Variants in GPR158 observed in about 807,000 individuals in gnomAD.
GPR158 encodes metabotropic glycine receptor.
In GPR158, 30 loss-of-function variants were observed where a neutral mutation model predicts 78.2. The observed-to-expected ratio is 0.38, with a 90% CI of 0.29 to 0.52. The LOEUF (loss-of-function observed/expected upper bound fraction) is 0.52, where lower values mean the gene tolerates loss of function less well. GPR158 is among the 20% of genes least tolerant of loss of function. The pLI is 0.83. For synonymous variants in GPR158, 581 were observed against 591.1 expected (o/e 0.98, Z 0.25); for missense variants, 1,463 against 1,523.5 (o/e 0.96, Z 0.66).
chr10:25,235,055 T>C (rs1392096939), intron 2 of GPR158, among the ~76,000 whole-genome samples: 1 of 152,238 alleles, frequency 6.6e-6, no homozygotes, highest in Non-Finnish European at 1.5e-5. Flanking sequence ...TATTGCCCCC[T>C]GTGTAATGAT....
At chr10:25,248,115 T>C (rs1459890239) in intron 2 of GPR158, among the ~76,000 whole-genome samples, 1 of 152,074 alleles carries the variant, frequency 6.6e-6, no homozygotes, top group East Asian at 1.9e-4. Flanking sequence ...AAATGTCTTC[T>C]TTTGAGAAGT....
chr10:25,222,017 T>C (rs1384727650), intron 2 of GPR158, among the ~76,000 whole-genome samples: 1 of 152,164 alleles, frequency 6.6e-6, no homozygotes. Flanking sequence ...GTATATAGTG[T>C]AATTTTTAAG....
chr10:25,410,808 C>A (rs1053770952), intron 3 of GPR158, among the ~76,000 whole-genome samples: 1 of 152,142 alleles, frequency 6.6e-6, no homozygotes, highest in African/African-American at 2.4e-5. Context: ...GACTCTTAAA[C>A]AGCATTATAT....
At chr10:25,523,667 T>C (rs1391718235) in intron 5 of GPR158, among the ~76,000 whole-genome samples, 2 of 152,158 alleles carry the variant, frequency 1.3e-5, no homozygotes, top group African/African-American at 4.8e-5. Context: ...CTTTTTGTAA[T>C]GAATAGAACA....
intron 4 of GPR158, among the ~76,000 whole-genome samples, chr10:25,444,207 A>C (rs1835107061): frequency 6.6e-6 from 1 of 150,608 alleles, no homozygotes; most frequent in African/African-American, 2.4e-5. Context: ...CAAAAACCTG[A>C]ATACTTCAGA....
At chr10:25,290,542 G>A (rs935767199) in intron 2 of GPR158, among the ~76,000 whole-genome samples, 2 of 152,084 alleles carry the variant, frequency 1.3e-5, no homozygotes, top group African/African-American at 4.8e-5. Context: ...TGAAAGGAAA[G>A]GCAAGGGCAG....
At chr10:25,470,408 C>A (rs1489430858) in intron 5 of GPR158, among the ~76,000 whole-genome samples, 3 of 151,922 alleles carry the variant, frequency 2.0e-5, no homozygotes, top group Admixed American at 2.0e-4. Flanking sequence ...TTCCACCCAG[C>A]AAGAAGGCCT....
chr10:25,205,405 GTTATTCC>G (rs2130661261), intron 1 of GPR158, among the ~76,000 whole-genome samples: 1 of 149,738 alleles, frequency 6.7e-6, no homozygotes, highest in East Asian at 2.0e-4. Flanking sequence ...TCTGATTTTG[GTTATTCC>G]TTGTCTTTTA....
chr10:25,267,358 C>T (rs1167726327), intron 2 of GPR158, among the ~76,000 whole-genome samples: 1 of 151,992 alleles, frequency 6.6e-6, no homozygotes, highest in Non-Finnish European at 1.5e-5. Flanking sequence ...GAATCAGTGT[C>T]CAGTGAAGGG....
At chr10:25,314,650 T>A (rs1854819585) in intron 2 of GPR158, among the ~76,000 whole-genome samples, 1 of 151,490 alleles carries the variant, frequency 6.6e-6, no homozygotes, top group Non-Finnish European at 1.5e-5. Context: ...GACTGTTGTT[T>A]TTTTTTTAGC....
chr10:25,562,737 G>A (rs762652853), intron 6 of GPR158, among the ~76,000 whole-genome samples: 5 of 152,180 alleles, frequency 3.3e-5, no homozygotes, highest in Admixed American at 6.5e-5. Flanking sequence ...TGACAAGAAC[G>A]TGTACTCTGC....
intron 4 of GPR158, among the ~76,000 whole-genome samples, chr10:25,458,894 A>T (rs979673198): frequency 6.6e-6 from 1 of 152,166 alleles, no homozygotes; most frequent in African/African-American, 2.4e-5. Context: ...GAATTCTCCT[A>T]AAAACCTAAA....
chr10:25,583,842 G>A (rs999455937), intron 7 of GPR158, among the ~76,000 whole-genome samples: 4 of 152,082 alleles, frequency 2.6e-5, no homozygotes, highest in Non-Finnish European at 5.9e-5. Flanking sequence ...AATACAAAAC[G>A]CCTTTGCAAC....
At chr10:25,232,433 C>A (rs1006372960) in intron 2 of GPR158, among the ~76,000 whole-genome samples, 4 of 152,146 alleles carry the variant, frequency 2.6e-5, no homozygotes, top group African/African-American at 9.7e-5. Flanking sequence ...CCTTTTTGAG[C>A]AAGTGAAGAA....
chr10:25,470,362 C>T (rs527625192), intron 5 of GPR158, among the ~76,000 whole-genome samples: 4 of 152,112 alleles, frequency 2.6e-5, no homozygotes, highest in Non-Finnish European at 5.9e-5. Flanking sequence ...TAAAAGAGCT[C>T]GGTGGAGGGA....
chr10:25,367,504 C>T (rs1012329017), intron 2 of GPR158, among the ~76,000 whole-genome samples: 1 of 151,762 alleles, frequency 6.6e-6, no homozygotes, highest in Non-Finnish European at 1.5e-5. Flanking sequence ...CATTTCTATA[C>T]AAAATTTGGG....
intron 1 of GPR158, among the ~76,000 whole-genome samples, chr10:25,181,905 A>G (rs556837185): frequency 6.6e-6 from 1 of 151,582 alleles, no homozygotes; most frequent in Non-Finnish European, 1.5e-5. Context: ...TTTAGTAGAG[A>G]TGGGGTTTTG....
At chr10:25,183,580 T>C (rs1231239149) in intron 1 of GPR158, among the ~76,000 whole-genome samples, 1 of 152,216 alleles carries the variant, frequency 6.6e-6, no homozygotes, top group Non-Finnish European at 1.5e-5. Context: ...TTGCTAATAC[T>C]TCTATTTAAT....
intron 5 of GPR158, among the ~76,000 whole-genome samples, chr10:25,495,338 A>G (rs1409139116): frequency 2.6e-5 from 3 of 114,384 alleles, no homozygotes; most frequent in African/African-American, 3.4e-5. Flanking sequence ...TGCCATGTCC[A>G]TCAGGCTGGA....
Sources: gnomAD v4.1 joint callset for allele counts (sites outside exome capture counted in the v4.1 genomes callset) on GRCh38, gnomAD v4.1.1 for gene constraint, MANE v1.5 for transcripts, NCBI Gene and HGNC (gene_info 2026-07-23, HGNC 2026-07-21) for gene names.